CLK4: variants seen among roughly 807,000 people sequenced by gnomAD.
CLK4 encodes dual specificity protein kinase CLK4.
In CLK4, 37 loss-of-function variants were observed where a neutral mutation model predicts 64.4. The observed-to-expected ratio is 0.57, with a 90% CI of 0.44 to 0.76. The LOEUF is 0.76. CLK4 is among the 30% of genes least tolerant of loss of function. CLK4 has a pLI of 0.00. For synonymous variants in CLK4, 175 were observed against 191.6 expected (o/e 0.91, Z 0.72); for missense variants, 457 against 605.1 (o/e 0.76, Z 2.57).
intron 11 of CLK4, 42 bp from the exon 12 acceptor site, chr5:178,603,976 G>C (rs746385304): frequency 2.7e-6 from 4 of 1,464,246 alleles, no homozygotes; most frequent in Non-Finnish European, 3.8e-6. Context: ...AAAATAACAA[G>C]AGTCGTATCT....
At chr5:178,604,710 G>A (rs1764441161) in intron 11 of CLK4, 1 of 152,198 alleles carries the variant, frequency 6.6e-6, no homozygotes, top group Non-Finnish European at 1.5e-5. Context: ...GATCTGACAG[G>A]AGGTGCAGCT....
rs1241692435 is a variant in CLK4, at chr5:178,618,596, C to A, written c.344G>T (p.Arg115Met). The A allele has an allele frequency of 6.2e-7, 1 of 1,613,874 alleles. No homozygotes were observed. Among genetic ancestry groups the A allele is most frequent in the Non-Finnish European group, 8.5e-7 (1 of 1,179,962 alleles). ...ACTTGAACAGTGTCTATTGCGCTTC[C>A]TTTTAGGACTGCTTCTCCTGCTGCG... ...SVRSRRSSPK[R>M]KRNRHCSSHQ... The change falls in exon 3 of 13, where the codon AGG (arginine) becomes ATG (methionine). Residue 115 changes from arginine (R) to methionine (M), a missense_variant. Transcript: ENST00000316308.
chr5:178,621,886 T>C (rs1346553043), intron 2 of CLK4: 1 of 152,126 alleles, frequency 6.6e-6, no homozygotes, highest in Non-Finnish European at 1.5e-5. Context: ...GAGATTACCA[T>C]CTTTATACTT....
At chr5:178,622,439 TAA>T (rs1764719914) in intron 2 of CLK4, 14 of 986,528 alleles carry the variant, frequency 1.4e-5, no homozygotes, top group Non-Finnish European at 1.7e-5. Flanking sequence ...AGCAATCTGG[TAA>T]ACAGTCCCAA....
Position 178,602,774 on chromosome 5 carries a change from CAGACAT to C in CLK4, c.*837_*842del, listed in dbSNP as rs1451628915. ...CCTCTTTCTCCCGTAAGAATTATCA[CAGACAT>C]AAATTGCCTAATTAATAAACTTAAT... is the stretch of plus-strand genomic sequence containing the variant. On this transcript the variant is annotated 3_prime_UTR_variant, in exon 13 of 13. Coordinates refer to ENST00000316308, the MANE Select transcript of CLK4 (RefSeq NM_020666.3). 38 of 152,350 alleles carry C rather than the reference CAGACAT, an allele frequency of 2.5e-4. No individual in the cohort carries two copies. The highest frequency in any genetic ancestry group is 8.4e-4 in the African/African-American group (35 of 41,568). 9.4% of individuals were successfully genotyped at this position (152,350 alleles called of 1,614,324 possible).
intron 1 of CLK4, among the ~76,000 whole-genome samples, chr5:178,625,128 C>T (rs1394655148): frequency 1.3e-5 from 2 of 152,178 alleles, no homozygotes; most frequent in African/African-American, 2.4e-5. Flanking sequence ...TAACAGCACA[C>T]ATTTACTTGA....
intron 9 of CLK4, among the ~76,000 whole-genome samples, chr5:178,611,053 ACAAAGTGAAACTCCATCT>A (rs1352175625): frequency 6.6e-6 from 1 of 151,652 alleles, no homozygotes; most frequent in African/African-American, 2.4e-5. Context: ...AGCCTGGGTG[ACAAAGTGAAACTCCATCT>A]CAAAGAAAAA....
chr5:178,616,982 C>A, intron 4 of CLK4, 34 bp from the exon 5 acceptor site: 1 of 1,424,174 alleles, frequency 7.0e-7, no homozygotes, highest in Non-Finnish European at 9.9e-7. Flanking sequence ...GTGTAAGTAC[C>A]TGAGTACAAA....
chr5:178,609,699 C>T (rs1466857154), intron 9 of CLK4, among the ~76,000 whole-genome samples: 3 of 130,672 alleles, frequency 2.3e-5, no homozygotes, highest in Non-Finnish European at 3.4e-5. Flanking sequence ...AATAAATAAA[C>T]AAATAACAAA....
At chr5:178,605,197 A>G in intron 11 of CLK4, 106 bp downstream of exon 11, 2 of 587,368 alleles carry the variant, frequency 3.4e-6, no homozygotes, top group East Asian at 3.3e-5. Flanking sequence ...AAAAAAGTCA[A>G]AATCTATAGT....
chr5:178,608,141 A>T (rs1159611505), intron 10 of CLK4, among the ~76,000 whole-genome samples: 1 of 152,228 alleles, frequency 6.6e-6, no homozygotes, highest in Non-Finnish European at 1.5e-5. Flanking sequence ...GACAGTATGA[A>T]CCATATATGA....
chr5:178,604,028 T>C, intron 11 of CLK4, 94 bp from the exon 12 acceptor site: 1 of 872,844 alleles, frequency 1.1e-6, no homozygotes, highest in Admixed American at 2.6e-5. Flanking sequence ...AGCAGCTCTC[T>C]CTAAGTGTAT....
intron 10 of CLK4, chr5:178,605,728 G>A (rs1187241347): frequency 2.5e-5 from 4 of 162,576 alleles, no homozygotes; most frequent in African/African-American, 7.2e-5. Context: ...GCTCATATAT[G>A]AGGAAAGTTA....
At chr5:178,609,736 T>TAC (rs1554204032) in intron 9 of CLK4, among the ~76,000 whole-genome samples, 2 of 34,278 alleles carry the variant, frequency 5.8e-5, no homozygotes, top group Non-Finnish European at 5.4e-5. Context: ...AATTTTAAAA[T>TAC]ATATATATAT....
intron 5 of CLK4, among the ~76,000 whole-genome samples, chr5:178,614,933 C>T (rs1052530030): frequency 2.0e-5 from 3 of 151,954 alleles, no homozygotes; most frequent in African/African-American, 4.8e-5. Flanking sequence ...CTTGTATCCA[C>T]GAAAATGAAA....
intron 9 of CLK4, among the ~76,000 whole-genome samples, chr5:178,610,931 G>A (rs1764548341): frequency 6.6e-6 from 1 of 151,954 alleles, no homozygotes; most frequent in Admixed American, 6.6e-5. Context: ...AAATTAGCCG[G>A]GTGTGGTGGT....
Position 178,613,055 on chromosome 5 carries a change from T to A in CLK4, c.827-165A>T, listed in dbSNP as rs560657545. ...ACATTTGGATATATAGCTTGTATAATAAAAACAAGTTTTCTGGTGCTTAAA... is the reference window on the plus strand; with the variant it reads ...ACATTTGGATATATAGCTTGTATAAAAAAAACAAGTTTTCTGGTGCTTAAA... On this transcript the variant is annotated intron_variant, in intron 7 of 12. Transcript: ENST00000316308. 6.6e-5 allele frequency among the ~76,000 whole-genome samples: 10 copies of A among 152,320 alleles called. No individual in the cohort carries two copies. In the South Asian group the frequency reaches 1.9e-3, roughly 28 times the overall value.
intron 1 of CLK4, among the ~76,000 whole-genome samples, chr5:178,625,819 G>C (rs1476375079): frequency 2.6e-5 from 4 of 152,136 alleles, no homozygotes; most frequent in African/African-American, 9.7e-5. Flanking sequence ...GTTAGTCCCA[G>C]CCTCTGACCT....
In CLK4 at chr5:178,612,885, G is replaced by A. The variant is rs961418546; in HGVS notation, c.832C>T (p.His278Tyr). ...TCTGTATGGGTTAATTTATTATGAT[G>A]TAAAACTACAAGAGAACAAAAGCAC... ...YQICQSINFL[H>Y]HNKLTHTDLK... Residue 278 changes from histidine (H) to tyrosine (Y), a missense_variant, in exon 8 of 13, where the codon CAT becomes TAT. Coordinates refer to ENST00000316308, the MANE Select transcript of CLK4 (RefSeq NM_020666.3). 2.0e-6 allele frequency: 3 copies of A among 1,489,826 alleles called. No individual in the cohort carries two copies. The African/African-American group carries it at 4.2e-5, about 21-fold the overall frequency. 92.3% of individuals were successfully genotyped at this position (1,489,826 alleles called of 1,614,324 possible).
Sources: allele counts gnomAD v4.1 joint callset (sites outside exome capture counted in the v4.1 genomes callset), GRCh38; gene constraint gnomAD v4.1.1; transcripts MANE v1.5; gene names NCBI Gene and HGNC (gene_info 2026-07-23, HGNC 2026-07-21).